The following TSKS variants were observed in gnomAD, a reference collection of about 807,000 sequenced individuals.
TSKS encodes testis-specific serine kinase substrate.
TSKS carries 27 observed loss-of-function variants against 68.0 expected under a neutral mutation model. The ratio of observed to expected loss-of-function variants is 0.40; its 90% confidence interval spans 0.29 to 0.55. The LOEUF is 0.55. Ranked by LOEUF, TSKS falls within the 20% of genes least tolerant of loss-of-function variation. The pLI is 0.53. For synonymous variants in TSKS, 331 were observed against 340.4 expected, an observed-to-expected ratio of 0.97 and a Z score of 0.30; for missense variants, 806 against 776.0, an observed-to-expected ratio of 1.04 and a Z score of -0.46.
chr19:49,739,888 G>A lies in TSKS; in HGVS notation c.1667C>T (p.Ser556Phe). 1 of 1,614,088 alleles carries A rather than the reference G, an allele frequency of 6.2e-7. No homozygotes were observed. Among genetic ancestry groups the A allele is most frequent in the Non-Finnish European group, 8.5e-7 (1 of 1,179,996 alleles). Residue 556 changes from serine (S) to phenylalanine (F), a missense_variant, in exon 11 of 11, where the codon TCC becomes TTC. Transcript: ENST00000246801. ...CAGGTTGCTGAGATGATCGTGGAGG[G>A]AGCACATCTTCAAGTGTAGATGGTC... ...TLDHLHLKMC[S>F]LHDHLSNLPL...
chr19:49,748,549 AG>A, intron 2 of TSKS, 80 bp from the exon 3 acceptor site: 1 of 1,389,440 alleles, frequency 7.2e-7, no homozygotes, highest in Admixed American at 1.9e-5. Context: ...CAGAACTGGG[AG>A]GCTGTGTTTA....
At chr19:49,748,044 A>G in intron 4 of TSKS, 41 bp downstream of exon 4, 2 of 1,582,184 alleles carry the variant, frequency 1.3e-6, no homozygotes, top group South Asian at 1.1e-5. Context: ...TCTTACTCCC[A>G]TTCCCCTCTC....
intron 2 of TSKS, among the ~76,000 whole-genome samples, chr19:49,758,545 C>A (rs747275763): frequency 6.6e-6 from 1 of 152,272 alleles, no homozygotes; most frequent in Admixed American, 6.5e-5. Context: ...AGGGACACTC[C>A]CCAAGACAGG....
Position 49,763,287 on chromosome 19 carries a change from T to C in TSKS, c.-40A>G. ...GCTCCCAGGGAGGGGCTCCTTCCTCTGAGACTTCCTACCTACTGTGACCAC... is the reference window on the plus strand; with the variant it reads ...GCTCCCAGGGAGGGGCTCCTTCCTCCGAGACTTCCTACCTACTGTGACCAC... On this transcript the variant is annotated 5_prime_UTR_variant, in exon 1 of 11. Transcript: ENST00000246801. The surrounding 1 kb of genome is among the most constrained non-coding windows in gnomAD (Gnocchi z 4.5). 1 of 1,475,022 alleles carries C rather than the reference T, an allele frequency of 6.8e-7. No homozygotes were observed. Among genetic ancestry groups the C allele is most frequent in the Non-Finnish European group, 8.9e-7 (1 of 1,118,776 alleles). 91.4% of individuals were successfully genotyped at this position (1,475,022 alleles called of 1,614,324 possible).
intron 9 of TSKS, among the ~76,000 whole-genome samples, 164 bp downstream of exon 9, chr19:49,741,721 A>C (rs2084253848): frequency 6.6e-6 from 1 of 152,006 alleles, no homozygotes. Context: ...CTGCTTGTCC[A>C]TCTCCCCATG....
At chr19:49,749,025 C>A (rs191534027) in intron 2 of TSKS, among the ~76,000 whole-genome samples, 1 of 151,764 alleles carries the variant, frequency 6.6e-6, no homozygotes, top group Non-Finnish European at 1.5e-5. Context: ...ATTGCACCAC[C>A]GTACTCCAAT....
At chr19:49,757,703 C>G (rs544040490) in intron 2 of TSKS, among the ~76,000 whole-genome samples, 307 of 152,166 alleles carry the variant, frequency 2.0e-3, no homozygotes, top group African/African-American at 6.7e-3. Flanking sequence ...GGTTCTCTGT[C>G]CCCCTCTTTC....
chr19:49,757,280 A>G (rs117708364), intron 2 of TSKS, among the ~76,000 whole-genome samples: 2,176 of 152,240 alleles, frequency 0.014, 31 homozygotes, highest in Middle Eastern at 0.031. Flanking sequence ...CCCCAGTCCA[A>G]CCTTCAGGTG....
chr19:49,748,579 G>T, intron 2 of TSKS, 110 bp from the exon 3 acceptor site: 2 of 1,003,268 alleles, frequency 2.0e-6, no homozygotes, highest in Non-Finnish European at 3.0e-6. Context: ...TTTTGCCCTG[G>T]AATGGCTATG....
At chr19:49,744,981 G>A (rs1380071164) in intron 7 of TSKS, among the ~76,000 whole-genome samples, 1 of 152,104 alleles carries the variant, frequency 6.6e-6, no homozygotes, top group African/African-American at 2.4e-5. Context: ...GCCCTTTTAA[G>A]GTATAGACCA....
Position 49,763,136 on chromosome 19 carries a change from T to A in TSKS, c.112A>T (p.Arg38Trp). ...ATCCCCTTGGCCCGGCTGGTCACCCTCCGGGGAGCCTCTGGGACTAGCTGG... is the reference window on the plus strand; with the variant it reads ...ATCCCCTTGGCCCGGCTGGTCACCCACCGGGGAGCCTCTGGGACTAGCTGG... ...CSQLVPEAPR[R>W]VTSRAKGIPK... Residue 38 changes from arginine (R) to tryptophan (W), a missense_variant, in exon 1 of 11, where the codon AGG (arginine) becomes TGG (tryptophan). Transcript: ENST00000246801. This position sits in a 1 kb window ranked among gnomAD's most constrained non-coding sequence, Gnocchi z 4.5. 1 of 1,611,790 alleles carries A rather than the reference T, an allele frequency of 6.2e-7. No individual in the cohort carries two copies. Among genetic ancestry groups the A allele is most frequent in the Non-Finnish European group, 8.5e-7 (1 of 1,178,934 alleles).
At position 49,746,529 on chromosome 19, in the gene TSKS, C is replaced by G. The variant is rs1444204161; in HGVS notation, c.933G>C (p.Glu311Asp). 1 of 1,613,630 alleles carries G rather than the reference C, an allele frequency of 6.2e-7. No homozygotes were observed. Among genetic ancestry groups the G allele is most frequent in the African/African-American group, 1.3e-5 (1 of 74,948 alleles). The change falls in exon 6 of 11, where the codon GAG becomes GAC. Residue 311 changes from glutamate to aspartate, a missense_variant. By Grantham distance (45) the Glu-to-Asp change is conservative (BLOSUM62 2). Coordinates refer to ENST00000246801, the MANE Select transcript of TSKS (RefSeq NM_021733.2). Reference sequence around the variant, plus strand: ...ATTCCTGCTCGCTCACGTAGGGGCCCTCGCCAGCCCGAGGCCCCATTCCCC... The same window carrying G: ...ATTCCTGCTCGCTCACGTAGGGGCCGTCGCCAGCCCGAGGCCCCATTCCCC... ...AGWGMGPRAG[E>D]GPYVSEQELQ...
At chr19:49,752,412 G>T (rs959417388) in intron 2 of TSKS, among the ~76,000 whole-genome samples, 1 of 151,308 alleles carries the variant, frequency 6.6e-6, no homozygotes, top group African/African-American at 2.4e-5. Context: ...AACTTGTGTG[G>T]CATCTCCTTG....
chr19:49,762,949 C>T lies in TSKS; in HGVS notation c.170+129G>A, dbSNP rs557643685. On this transcript the variant is annotated intron_variant, in intron 1 of 10. Coordinates refer to ENST00000246801, the MANE Select transcript of TSKS (RefSeq NM_021733.2). ...TGACTTGATGTCTCTTCACTGCTGC[C>T]CTCTTTCCTGCCCCCGACCTGCTGG... 5.8e-6 allele frequency: 7 copies of T among 1,200,956 alleles called. No individual in the cohort carries two copies. In the East Asian group the frequency reaches 8.0e-5, roughly 14 times the overall value. 74.4% of individuals were successfully genotyped at this position (1,200,956 alleles called of 1,614,324 possible).
chr19:49,747,443 C>T lies in TSKS; in HGVS notation c.609G>A (p.Val203=). The T allele has an allele frequency of 6.2e-7, 1 of 1,614,210 alleles. No individual in the cohort carries two copies. Residue 203 remains valine, a synonymous_variant, in exon 5 of 11, where the codon GTG becomes GTA. Transcript: ENST00000246801. ...KENCWKVTRS[V]EDAEIKTNVL... ...CGTTGGTTTTGATTTCAGCATCTTCCACAGACCGGGTCACCTTCCAGCAGT... is the reference window on the plus strand; with the variant it reads ...CGTTGGTTTTGATTTCAGCATCTTCTACAGACCGGGTCACCTTCCAGCAGT...
intron 2 of TSKS, among the ~76,000 whole-genome samples, chr19:49,754,157 A>C (rs936610782): frequency 6.6e-6 from 1 of 150,444 alleles, no homozygotes; most frequent in Non-Finnish European, 1.5e-5. Flanking sequence ...AAGTGCTGAG[A>C]TTACAGGCGT....
intron 4 of TSKS, 84 bp downstream of exon 4, chr19:49,748,001 A>G (rs1600191674): frequency 1.5e-6 from 2 of 1,328,636 alleles, no homozygotes; most frequent in Admixed American, 1.7e-5. Context: ...GAGCCACTGC[A>G]CCCAGCCTCC....
Position 49,745,302 on chromosome 19 carries a change from C to A in TSKS, c.1087G>T (p.Asp363Tyr). The A allele has an allele frequency of 2.5e-6, 4 of 1,604,992 alleles. No individual in the cohort carries two copies. The highest frequency in any genetic ancestry group is 2.5e-6 in the Non-Finnish European group (3 of 1,179,440). Reference protein sequence around the residue: ...RLLGGLGGRVDGFLGQWERAQ... With the variant: ...RLLGGLGGRVYGFLGQWERAQ... ...CGCTCCCACTGGCCTAGGAAGCCGT[C>A]GACCCTGCCGCCCAGGCCCCCGAGC... Residue 363 changes from aspartate to tyrosine, a missense_variant, in exon 7 of 11, where the codon GAC becomes TAC. Physicochemically the swap from Asp to Tyr is radical, Grantham distance 160 (BLOSUM62 -3). Coordinates refer to ENST00000246801, the MANE Select transcript of TSKS (RefSeq NM_021733.2).
intron 5 of TSKS, chr19:49,747,122 A>C (rs1248045922): frequency 1.4e-5 from 22 of 1,520,138 alleles, no homozygotes; most frequent in Non-Finnish European, 1.9e-5. Flanking sequence ...ATGAGTGGGC[A>C]TGTGGACAGG....
Sources: gnomAD v4.1 joint callset for allele counts (sites outside exome capture counted in the v4.1 genomes callset) on GRCh38, gnomAD v4.1.1 for gene constraint, Gnocchi (gnomAD v3.1) non-coding constraint, MANE v1.5 for transcripts, NCBI Gene and HGNC (gene_info 2026-07-23, HGNC 2026-07-21) for gene names.